The following GIT1 variants were observed in gnomAD, a reference collection of about 807,000 sequenced individuals.
GIT1 encodes GIT ArfGAP 1.
In GIT1, 14 loss-of-function variants were observed where a neutral mutation model predicts 91.7. That is an observed-to-expected ratio of 0.15 (90% CI 0.10 to 0.24). The LOEUF (loss-of-function observed/expected upper bound fraction) is 0.24, where lower values mean the gene tolerates loss of function less well. Ranked by LOEUF, GIT1 falls within the 10% of genes least tolerant of loss-of-function variation. The probability of loss-of-function intolerance (pLI) is 1.00; values close to 1 mark genes in which losing one functional copy is unlikely to be tolerated. For synonymous variants in GIT1, 414 were observed against 418.2 expected, an observed-to-expected ratio of 0.99 and a Z score of 0.12; for missense variants, 717 against 1,024.9, an observed-to-expected ratio of 0.70 and a Z score of 4.10.
At chr17:29,580,772 T>G (rs926811581) in intron 7 of GIT1, among the ~76,000 whole-genome samples, 4 of 151,418 alleles carry the variant, frequency 2.6e-5, no homozygotes, top group South Asian at 2.1e-4. Flanking sequence ...TTCTGTTTCT[T>G]TTTCTTTTTT....
chr17:29,584,959 C>CTTTT (rs11419578), intron 1 of GIT1, among the ~76,000 whole-genome samples: 75 of 102,378 alleles, frequency 7.3e-4, no homozygotes, highest in African/African-American at 1.4e-3. Flanking sequence ...TGGGTTTAGG[C>CTTTT]TTTTTTTTTT....
chr17:29,577,653 G>A lies in GIT1; in HGVS notation c.973C>T (p.Arg325Trp). Residue 325 changes from arginine (R) to tryptophan (W), a missense_variant, in exon 10 of 20, where the codon CGG becomes TGG. Physicochemically the swap from Arg to Trp is moderately radical, Grantham distance 101 (BLOSUM62 -3). Around this residue, in one of 3 missense-constraint regions of GIT1, gnomAD observed 271 missense variants for 451.6 expected, o/e 0.60. Transcript: ENST00000225394. ...CAATCCAGCCCCCTCACCTGATTCC[G>A]CGTGGCTGAGTATTCCGGGTTAACA... is the stretch of plus-strand genomic sequence containing the variant. ...LPVNPEYSAT[R>W]NQGRQKLARF... 3 of 1,601,602 alleles carry A rather than the reference G, an allele frequency of 1.9e-6. No homozygotes were observed. The highest frequency in any genetic ancestry group is 2.2e-5 in the East Asian group (1 of 44,788).
Position 29,577,751 on chromosome 17 carries a change from G to C in GIT1, c.884-9C>G. 1 of 1,570,702 alleles carries C rather than the reference G, an allele frequency of 6.4e-7. No individual in the cohort carries two copies. Among genetic ancestry groups the C allele is most frequent in the Non-Finnish European group, 8.8e-7 (1 of 1,140,538 alleles). Reference sequence around the variant, plus strand: ...TTGGGTAGCCAGCCACACTGTAGGGGACGGACAGGAGCAGATCAGCCACGG... The same window carrying C: ...TTGGGTAGCCAGCCACACTGTAGGGCACGGACAGGAGCAGATCAGCCACGG... On this transcript the variant is annotated splice_polypyrimidine_tract_variant and intron_variant, in intron 9 of 19. Transcript: ENST00000225394.
At chr17:29,583,849 G>T (rs924826427) in intron 1 of GIT1, 6 of 557,214 alleles carry the variant, frequency 1.1e-5, no homozygotes, top group Non-Finnish European at 1.9e-5. Flanking sequence ...TACCCCTCTG[G>T]GATATGCAGT....
At position 29,582,680 on chromosome 17, in the gene GIT1, T is replaced by G; in HGVS notation, c.405+18A>C. 6.6e-7 allele frequency: 1 copy of G among 1,522,688 alleles called. No individual in the cohort carries two copies. Among genetic ancestry groups the G allele is most frequent in the Non-Finnish European group, 9.1e-7 (1 of 1,097,218 alleles). 94.3% of individuals were successfully genotyped at this position (1,522,688 alleles called of 1,614,324 possible). A position where few individuals can be genotyped will look rare whatever the true frequency, so the allele number is the denominator to read the frequency against. The stretch of plus-strand genomic sequence containing the variant: ...AGAAGAGGAGGGGGCCACCCATCTG[T>G]TGTAGGGCCCCTCAAACCTTGCTGA... On this transcript the variant is annotated intron_variant, in intron 4 of 19. Transcript: ENST00000225394.
chr17:29,589,298 G>A lies in GIT1; in HGVS notation c.52+29C>T, dbSNP rs2033723616. On this transcript the variant is annotated intron_variant, in intron 1 of 19. Transcript: ENST00000225394. This position sits in a 1 kb window ranked among gnomAD's most constrained non-coding sequence, Gnocchi z 5.2. ...CCGCCCGGCGGCGGCCTGGCTGTGCGGTCCCGCCCCCGGCCCCGCCGCGCT... is the reference window on the plus strand; with the variant it reads ...CCGCCCGGCGGCGGCCTGGCTGTGCAGTCCCGCCCCCGGCCCCGCCGCGCT... The A allele has an allele frequency of 8.1e-6, 8 of 988,212 alleles. No individual in the cohort carries two copies. The highest frequency in any genetic ancestry group is 1.8e-5 in the African/African-American group (1 of 56,642). 61.2% of individuals were successfully genotyped at this position (988,212 alleles called of 1,614,324 possible).
In GIT1 at chr17:29,576,680, G is replaced by C; in HGVS notation, c.1228-6C>G. 6.2e-7 allele frequency: 1 copy of C among 1,613,808 alleles called. No homozygotes were observed. On this transcript the variant is annotated splice_polypyrimidine_tract_variant and splice_region_variant and intron_variant, in intron 12 of 19. Coordinates refer to ENST00000225394, the MANE Select transcript of GIT1 (RefSeq NM_014030.4). ...AAGTCCGAGGAGTCCATGCTCTGCA[G>C]AGAGAGACCTAAGCTGGTCAGCACC...
intron 7 of GIT1, chr17:29,579,046 G>A (rs529114891): frequency 1.3e-6 from 2 of 1,517,888 alleles, no homozygotes; most frequent in South Asian, 2.2e-5. Flanking sequence ...AGTTACCCAG[G>A]AGCAGGGCAG....
chr17:29,581,098 C>G lies in GIT1; in HGVS notation c.761+240G>C, dbSNP rs1388976273. 1 of 568,310 alleles carries G rather than the reference C, an allele frequency of 1.8e-6. No homozygotes were observed. Among genetic ancestry groups the G allele is most frequent in the East Asian group, 2.9e-5 (1 of 34,566 alleles). The allele number at this position is 568,310 out of a possible 1,614,324, so 35.2% of individuals were successfully genotyped here. A position where few individuals can be genotyped will look rare whatever the true frequency, so the allele number is the denominator to read the frequency against. ...CCGGCCCACAGGTAGCTTCTCACAC[C>G]CAAGCCCTCCATGTACTTGACAGTC... On this transcript the variant is annotated intron_variant, in intron 7 of 19. Transcript: ENST00000225394. The surrounding 1 kb of genome is among the most constrained non-coding windows in gnomAD (Gnocchi z 4.8).
At position 29,581,613 on chromosome 17, in the gene GIT1, C is replaced by T. The variant is rs1215986123; in HGVS notation, c.718+129G>A. 4 of 747,060 alleles carry T rather than the reference C, an allele frequency of 5.4e-6. No individual in the cohort carries two copies. The highest frequency in any genetic ancestry group is 5.3e-5 in the East Asian group (2 of 37,484). The allele number at this position is 747,060 out of a possible 1,614,324, so 46.3% of individuals were successfully genotyped here. On this transcript the variant is annotated intron_variant, in intron 6 of 19. Transcript: ENST00000225394. This position sits in a 1 kb window ranked among gnomAD's most constrained non-coding sequence, Gnocchi z 4.8. ...GAGCCTGCAGTAATTTCACAGGAGC[C>T]AGTTGCCTAGCAACATTGCTCCCCA...
chr17:29,578,814 G>A (rs1308590437), intron 7 of GIT1, 35 bp from the exon 8 acceptor site: 2 of 1,607,614 alleles, frequency 1.2e-6, no homozygotes, highest in Non-Finnish European at 1.7e-6. Flanking sequence ...TGGGAGGAGA[G>A]GAGAGACCTG....
At chr17:29,588,728 C>A (rs960787561) in intron 1 of GIT1, among the ~76,000 whole-genome samples, 1 of 152,196 alleles carries the variant, frequency 6.6e-6, no homozygotes, top group African/African-American at 2.4e-5. Flanking sequence ...CTAGACTGGC[C>A]CTGAACGCCA....
intron 1 of GIT1, among the ~76,000 whole-genome samples, chr17:29,585,100 G>A (rs949797566): frequency 1.3e-5 from 2 of 151,946 alleles, no homozygotes; most frequent in African/African-American, 4.8e-5. Context: ...ACCTTCCTGG[G>A]GGGCTGACTC....
chr17:29,576,840 G>A, intron 12 of GIT1, 23 bp downstream of exon 12: 1 of 1,577,638 alleles, frequency 6.3e-7, no homozygotes, highest in Non-Finnish European at 8.6e-7. Context: ...ACAGGGGAGT[G>A]GGAAGGAGGG....
intron 7 of GIT1, among the ~76,000 whole-genome samples, chr17:29,580,147 C>T (rs1259320930): frequency 6.6e-6 from 1 of 152,224 alleles, no homozygotes; most frequent in Non-Finnish European, 1.5e-5. Flanking sequence ...TTGTGAGCTC[C>T]TTAAGGGCAG....
rs1273543546 is a variant in GIT1, at chr17:29,583,588, A to C, written c.81T>G (p.Gly27=). 3.7e-6 allele frequency: 6 copies of C among 1,602,360 alleles called. No individual in the cohort carries two copies. The highest frequency in any genetic ancestry group is 5.1e-6 in the Non-Finnish European group (6 of 1,175,830). The part of the protein sequence containing the change: ...PDPGWASISR[G]VLVCDECCSV... ...TGCAGCACTCGTCACACACCAGCAC[A>C]CCCCTGCTGATGGATGCCCAGCCAG... is the stretch of plus-strand genomic sequence containing the variant. Residue 27 remains glycine, a synonymous_variant, in exon 2 of 20, where the codon GGT becomes GGG. Transcript: ENST00000225394.
At chr17:29,577,408 G>A (rs139875285) in intron 10 of GIT1, among the ~76,000 whole-genome samples, 161 bp from the exon 11 acceptor site, 2,415 of 152,262 alleles carry the variant, frequency 0.016, 76 homozygotes, top group African/African-American at 0.054. Flanking sequence ...AAGGCCACCC[G>A]TGGCAGGGTA....
In GIT1 at chr17:29,574,816, G is replaced by A. The variant is rs774362777; in HGVS notation, c.2172C>T (p.Pro724=). ...GCAGCTGGAAGTCCACTGGGGCGCC[G>A]GGCTCTGGGGGCACTGTCTTCCGGC... ...SECRKTVPPE[P]GAPVDFQLLT... The change falls in exon 20 of 20, where the codon CCC becomes CCT. Residue 724 remains proline (P), a synonymous_variant. Coordinates refer to ENST00000225394, the MANE Select transcript of GIT1 (RefSeq NM_014030.4). 3.1e-6 allele frequency: 5 copies of A among 1,610,694 alleles called. No individual in the cohort carries two copies. Among genetic ancestry groups the A allele is most frequent in the East Asian group, 2.2e-5 (1 of 44,858 alleles).
At chr17:29,585,144 C>T (rs1383731419) in intron 1 of GIT1, among the ~76,000 whole-genome samples, 1 of 151,896 alleles carries the variant, frequency 6.6e-6, no homozygotes, top group African/African-American at 2.4e-5. Context: ...GCCTTCTTCG[C>T]CAAGAGGGGG....
Sources: gnomAD v4.1 joint callset for allele counts (sites outside exome capture counted in the v4.1 genomes callset) on GRCh38, gnomAD v4.1.1 for gene constraint, gnomAD v4.1.1 regional missense constraint, Gnocchi (gnomAD v3.1) non-coding constraint, MANE v1.5 for transcripts, NCBI Gene and HGNC (gene_info 2026-07-23, HGNC 2026-07-21) for gene names.